RNF213: variants seen among roughly 807,000 people sequenced by gnomAD.
RNF213 encodes the protein E3 ubiquitin-protein ligase RNF213.
In RNF213, 341 loss-of-function variants were observed where a neutral mutation model predicts 514.4. That is an observed-to-expected ratio of 0.66 (90% CI 0.61 to 0.73). RNF213 has a LOEUF of 0.73. RNF213 is among the 30% of genes least tolerant of loss of function. The probability of loss-of-function intolerance (pLI) is 0.00; values close to 1 mark genes in which losing one functional copy is unlikely to be tolerated. For missense variants in RNF213, 5,767 were observed against 6,615.6 expected (o/e 0.87, Z 4.45); for synonymous variants, 2,655 against 2,658.2 (o/e 1.00, Z 0.04).
intron 44 of RNF213, 41 bp downstream of exon 44, chr17:80,368,184 T>C (rs2079357289): frequency 6.2e-7 from 1 of 1,604,086 alleles, no homozygotes; most frequent in Admixed American, 1.7e-5. Flanking sequence ...CTTTTTTTCA[T>C]TTTCCTTTTT....
Position 80,343,953 on chromosome 17 carries a change from T to C in RNF213, c.6280T>C (p.Leu2094=). The C allele has an allele frequency of 6.2e-7, 1 of 1,614,218 alleles. No homozygotes were observed. Among genetic ancestry groups the C allele is most frequent in the Non-Finnish European group, 8.5e-7 (1 of 1,180,026 alleles). Residue 2094 remains leucine (L), a synonymous_variant, in exon 28 of 68, where the codon TTG becomes CTG. Transcript: ENST00000582970. This position sits in a 1 kb window ranked among gnomAD's most constrained non-coding sequence, Gnocchi z 4.3. ...AATGTGGCTTCGGAACCCCTGCCAT[T>C]TGTATATCGTTGAAATCCTGGAAAG... ...GKMWLRNPCH[L]YIVEILERRT...
chr17:80,379,769 GT>G, intron 55 of RNF213, 55 bp downstream of exon 55: 1 of 1,424,154 alleles, frequency 7.0e-7, no homozygotes, highest in Middle Eastern at 1.8e-4. Context: ...GTGTTGGGCT[GT>G]TTTTATTCCA....
In RNF213 at chr17:80,319,175, C is replaced by T. The variant is rs1223197152; in HGVS notation, c.2902-15C>T. The T allele has an allele frequency of 1.9e-6, 3 of 1,614,114 alleles. No individual in the cohort carries two copies. Among genetic ancestry groups the T allele is most frequent in the Non-Finnish European group, 2.5e-6 (3 of 1,180,014 alleles). On this transcript the variant is annotated splice_polypyrimidine_tract_variant and intron_variant, in intron 16 of 67. Coordinates refer to ENST00000582970, the MANE Select transcript of RNF213 (RefSeq NM_001256071.3). ...ATCCGAAAGCTCTGAAACCACCCCC[C>T]TTTGATTTTTGCAGGAGGAACCCCT...
At chr17:80,267,683 G>C (rs2043654567) in intron 2 of RNF213, among the ~76,000 whole-genome samples, 1 of 152,182 alleles carries the variant, frequency 6.6e-6, no homozygotes, top group Non-Finnish European at 1.5e-5. Flanking sequence ...TGGTTTATGA[G>C]GTTTTAGGAA....
chr17:80,361,378 G>A (rs2144369244), intron 38 of RNF213, among the ~76,000 whole-genome samples: 1 of 152,168 alleles, frequency 6.6e-6, no homozygotes, highest in Admixed American at 6.5e-5. Flanking sequence ...AAATTAGCTG[G>A]GTGTGGTGGT....
chr17:80,386,720 AC>A lies in RNF213; in HGVS notation c.14752del (p.Leu4918CysfsTer12). The A allele has an allele frequency of 3.1e-6, 5 of 1,614,170 alleles. No individual in the cohort carries two copies. The highest frequency in any genetic ancestry group is 4.2e-6 in the Non-Finnish European group (5 of 1,180,028). Reference protein sequence around the residue: ...YSVDAAEVTELHVISYEVERD... With the variant: ...YSVDAAEVTEXHVISYEVERD... ...CCGTGGATGCCGCCGAGGTCACTGA[AC>A]TGCATGTCATCAGTTATGAAGTGGA... On this transcript the variant is annotated frameshift_variant, in exon 63 of 68. Coordinates refer to ENST00000582970, the MANE Select transcript of RNF213 (RefSeq NM_001256071.3). LOFTEE classifies it high-confidence loss of function.
chr17:80,370,160 G>C (rs2079459066), intron 46 of RNF213, among the ~76,000 whole-genome samples: 1 of 152,232 alleles, frequency 6.6e-6, no homozygotes, highest in Admixed American at 6.5e-5. Flanking sequence ...AGAATCTGTG[G>C]TGCTGAGCCT....
At position 80,353,811 on chromosome 17, in the gene RNF213, CGGTCTTGTTGCTGGTTACTGGG is replaced by C. The variant is rs1568118817; in HGVS notation, c.10578+150_10578+171del. Reference sequence around the variant, plus strand: ...GCGCCCCACTTTCCTCACACAGTGACGGTCTTGTTGCTGGTTACTGGGGGTCAAGGGCATCTGCACCGGCAGT... The same window carrying C: ...GCGCCCCACTTTCCTCACACAGTGACGGTCAAGGGCATCTGCACCGGCAGT... On this transcript the variant is annotated intron_variant, in intron 34 of 67. Coordinates refer to ENST00000582970, the MANE Select transcript of RNF213 (RefSeq NM_001256071.3). This position sits in a 1 kb window ranked among gnomAD's most constrained non-coding sequence, Gnocchi z 5.0. 7.0e-6 allele frequency: 9 copies of C among 1,278,366 alleles called. No individual in the cohort carries two copies. The Admixed American group carries it at 1.5e-4, about 21-fold the overall frequency. The allele number at this position is 1,278,366 out of a possible 1,614,324, so 79.2% of individuals were successfully genotyped here. A position where few individuals can be genotyped will look rare whatever the true frequency, so the allele number is the denominator to read the frequency against.
chr17:80,373,106 C>G lies in RNF213; in HGVS notation c.12883C>G (p.Leu4295Val), dbSNP rs764921190. Residue 4295 changes from leucine to valine, a missense_variant, in exon 49 of 68, where the codon CTC becomes GTC. Transcript: ENST00000582970. Reference protein sequence around the residue: ...SQRGMEFVQGLSKPGRPHQWV... With the variant: ...SQRGMEFVQGVSKPGRPHQWV... Reference sequence around the variant, plus strand: ...GCGGGGGATGGAGTTCGTGCAGGGCCTCTCCAAGCCCGGCCGCCCGCACCA... The same window carrying G: ...GCGGGGGATGGAGTTCGTGCAGGGCGTCTCCAAGCCCGGCCGCCCGCACCA... 1.2e-6 allele frequency: 2 copies of G among 1,613,670 alleles called. No individual in the cohort carries two copies. Among genetic ancestry groups the G allele is most frequent in the East Asian group, 4.5e-5 (2 of 44,876 alleles).
intron 36 of RNF213, 40 bp downstream of exon 36, chr17:80,354,616 G>T (rs373402742): frequency 3.1e-6 from 5 of 1,612,934 alleles, no homozygotes; most frequent in Non-Finnish European, 3.4e-6. Flanking sequence ...CTCCAATCTG[G>T]TGGCAGCATG....
In RNF213 at chr17:80,353,031, G is replaced by C. The variant is rs760655162; in HGVS notation, c.10395G>C (p.Gln3465His). The change falls in exon 33 of 68, where the codon CAG (glutamine) becomes CAC (histidine). Residue 3465 changes from glutamine to histidine, a missense_variant. This residue lies in a region of RNF213 where 919 missense variants were observed against 1,121.0 expected (regional missense o/e 0.82). Coordinates refer to ENST00000582970, the MANE Select transcript of RNF213 (RefSeq NM_001256071.3). This position sits in a 1 kb window ranked among gnomAD's most constrained non-coding sequence, Gnocchi z 5.0. ...GGCTGCAGCATGTCACCATCAGCCAGCTGTTCGCGCCCGGAGACTTGCCTG... is the reference window on the plus strand; with the variant it reads ...GGCTGCAGCATGTCACCATCAGCCACCTGTTCGCGCCCGGAGACTTGCCTG... Reference protein sequence around the residue: ...VTRLQHVTISQLFAPGDLPEL... With the variant: ...VTRLQHVTISHLFAPGDLPEL... 1.5e-5 allele frequency: 25 copies of C among 1,613,360 alleles called. No homozygotes were observed. Among genetic ancestry groups the C allele is most frequent in the Non-Finnish European group, 2.0e-5 (24 of 1,180,038 alleles).
rs1484735637 is a variant in RNF213 at position 80,273,262 on chromosome 17, C to T, written c.119C>T (p.Thr40Ile). 6.2e-7 allele frequency: 1 copy of T among 1,613,552 alleles called. No individual in the cohort carries two copies. The highest frequency in any genetic ancestry group is 1.3e-5 in the African/African-American group (1 of 74,906). Residue 40 changes from threonine to isoleucine, a missense_variant, in exon 3 of 68, where the codon ACA becomes ATA. Physicochemically the swap from Thr to Ile is moderately conservative, Grantham distance 89. Transcript: ENST00000582970. Reference sequence around the variant, plus strand: ...ACAGATTCTGAGAACAATAACTCCACAATGGCGTCGGCCTCGGAGGGTGAA... The same window carrying T: ...ACAGATTCTGAGAACAATAACTCCATAATGGCGTCGGCCTCGGAGGGTGAA... ...PIADSENNNS[T>I]MASASEGEME...
intron 15 of RNF213, among the ~76,000 whole-genome samples, chr17:80,316,875 C>A (rs145888769): frequency 1.3e-5 from 2 of 152,204 alleles, no homozygotes; most frequent in African/African-American, 2.4e-5. Flanking sequence ...GCTATTCTTG[C>A]GACCTTTTTG....
chr17:80,374,891 C>T (rs1281836864), intron 50 of RNF213: 3 of 404,948 alleles, frequency 7.4e-6, no homozygotes, highest in African/African-American at 6.1e-5. Context: ...CTTTGAGACC[C>T]TGCTGGAAAA....
At chr17:80,319,884 T>C (rs1392569268) in intron 17 of RNF213, 1 of 1,109,816 alleles carries the variant, frequency 9.0e-7, no homozygotes, top group Non-Finnish European at 1.1e-6. Context: ...TTAACCCCTG[T>C]ACAAGCACAG....
At chr17:80,320,145 A>G in intron 17 of RNF213, 6 of 451,758 alleles carry the variant, frequency 1.3e-5, no homozygotes, top group Non-Finnish European at 1.8e-5. Flanking sequence ...TCATCACTTC[A>G]AAGAGAAACC....
In RNF213 at chr17:80,336,344, C is replaced by T. The variant is rs2077987133; in HGVS notation, c.4493C>T (p.Ala1498Val). 3.9e-6 allele frequency: 6 copies of T among 1,537,144 alleles called. No individual in the cohort carries two copies. Among genetic ancestry groups the T allele is most frequent in the Non-Finnish European group, 5.2e-6 (6 of 1,146,930 alleles). The change falls in exon 23 of 68, where the codon GCT becomes GTT. Residue 1498 changes from alanine (A) to valine (V), a missense_variant. This residue lies in a region of RNF213 where 1,377 missense variants were observed against 1,635.2 expected (regional missense o/e 0.84). Transcript: ENST00000582970. ...AAGCATCTGAAAAAGCTGTGGAAGG[C>T]TCTGGATAAGGACCAGTACCTGCCC... ...FMKHLKKLWK[A>V]LDKDQYLPRK... is the part of the protein sequence containing the mutation.
At chr17:80,307,550 TG>T (rs1205568314) in intron 13 of RNF213, among the ~76,000 whole-genome samples, 8 of 148,784 alleles carry the variant, frequency 5.4e-5, no homozygotes, top group African/African-American at 2.0e-4. Context: ...TTGGTTTGTT[TG>T]TTTGTTTGTT....
At chr17:80,318,434 A>G (rs924694144) in intron 16 of RNF213, among the ~76,000 whole-genome samples, 41 of 152,186 alleles carry the variant, frequency 2.7e-4, no homozygotes, top group African/African-American at 9.9e-4. Flanking sequence ...GCCTGCCCAT[A>G]GGCAGGAAGT....
Sources: allele counts gnomAD v4.1 joint callset (sites outside exome capture counted in the v4.1 genomes callset), GRCh38; gene constraint gnomAD v4.1.1; regional missense constraint gnomAD v4.1.1; non-coding constraint Gnocchi (gnomAD v3.1); transcripts MANE v1.5; gene names NCBI Gene and HGNC (gene_info 2026-07-23, HGNC 2026-07-21).